The following ANK2 variants were observed in gnomAD, a reference collection of about 807,000 sequenced individuals.
ANK2 encodes ankyrin-2.
In ANK2, 83 loss-of-function variants were observed where a neutral mutation model predicts 360.5. The observed-to-expected ratio is 0.23, with a 90% CI of 0.19 to 0.28. ANK2 has a LOEUF of 0.28. ANK2 is among the 10% of genes least tolerant of loss of function. ANK2 has a pLI of 1.00. For missense variants in ANK2, 4,201 were observed against 4,795.7 expected, an observed-to-expected ratio of 0.88 and a Z score of 3.66; for synonymous variants, 1,740 against 1,759.5, an observed-to-expected ratio of 0.99 and a Z score of 0.28.
At chr4:113,265,727 T>C (rs1157816778) in intron 14 of ANK2, among the ~76,000 whole-genome samples, 1 of 152,236 alleles carries the variant, frequency 6.6e-6, no homozygotes, top group Non-Finnish European at 1.5e-5. Context: ...CAATATACTG[T>C]ACCTTCTATT....
chr4:113,070,943 C>T (rs1204796089), intron 1 of ANK2, among the ~76,000 whole-genome samples: 1 of 151,526 alleles, frequency 6.6e-6, no homozygotes, highest in Non-Finnish European at 1.5e-5. Context: ...TCCATCATAA[C>T]ATCAAATCTT....
At chr4:112,863,757 C>T (rs781574531) in intron 1 of ANK2, among the ~76,000 whole-genome samples, 1 of 151,908 alleles carries the variant, frequency 6.6e-6, no homozygotes, top group Non-Finnish European at 1.5e-5. Flanking sequence ...CTCCTGACCT[C>T]GTGATCCTCC....
At chr4:113,119,264 C>T (rs577180255) in intron 1 of ANK2, among the ~76,000 whole-genome samples, 21 of 151,974 alleles carry the variant, frequency 1.4e-4, no homozygotes, top group African/African-American at 4.4e-4. Flanking sequence ...TCATGTGCAC[C>T]TATTGCTCCT....
intron 9 of ANK2, among the ~76,000 whole-genome samples, chr4:113,243,948 A>G (rs1156625257): frequency 1.3e-5 from 2 of 152,218 alleles, no homozygotes; most frequent in African/African-American, 2.4e-5. Context: ...TTATTAAGAT[A>G]GTTGACTTTG....
chr4:113,075,412 G>T (rs1404821927), intron 1 of ANK2, among the ~76,000 whole-genome samples: 1 of 152,108 alleles, frequency 6.6e-6, no homozygotes, highest in Non-Finnish European at 1.5e-5. Context: ...TGTCTAAAAA[G>T]ATAACATCTT....
intron 1 of ANK2, among the ~76,000 whole-genome samples, chr4:112,836,963 T>C (rs2061119041): frequency 6.6e-6 from 1 of 152,240 alleles, no homozygotes; most frequent in African/African-American, 2.4e-5. Flanking sequence ...TCAAGCCAGA[T>C]GCATAAATTT....
At chr4:113,265,819 A>G (rs1311681049) in intron 14 of ANK2, among the ~76,000 whole-genome samples, 2 of 152,110 alleles carry the variant, frequency 1.3e-5, no homozygotes, top group Non-Finnish European at 2.9e-5. Context: ...CTTCTTCAAT[A>G]TTTGATATAC....
At chr4:112,894,469 G>A (rs368708105) in intron 1 of ANK2, among the ~76,000 whole-genome samples, 1 of 152,092 alleles carries the variant, frequency 6.6e-6, no homozygotes, top group Non-Finnish European at 1.5e-5. Flanking sequence ...AATTATGAAA[G>A]TACAAATGAA....
upstream of ANK2, among the ~76,000 whole-genome samples, chr4:112,814,888 T>C (rs2055527928): frequency 6.6e-6 from 1 of 152,148 alleles, no homozygotes; most frequent in Non-Finnish European, 1.5e-5. Context: ...TTATAAGAAA[T>C]AGTGGCAAAA....
chr4:113,178,352 C>T (rs1391880169), intron 2 of ANK2, among the ~76,000 whole-genome samples: 1 of 151,990 alleles, frequency 6.6e-6, no homozygotes, highest in East Asian at 1.9e-4. Flanking sequence ...GGTGGATTGC[C>T]TGAGATCAGG....
intron 2 of ANK2, among the ~76,000 whole-genome samples, chr4:112,945,070 G>T (rs1236914763): frequency 6.6e-6 from 1 of 152,246 alleles, no homozygotes; most frequent in Non-Finnish European, 1.5e-5. Flanking sequence ...TCACAAAGGT[G>T]TATCTTTTCC....
chr4:112,997,029 T>C (rs1223012210), intron 2 of ANK2, among the ~76,000 whole-genome samples: 1 of 152,106 alleles, frequency 6.6e-6, no homozygotes, highest in Non-Finnish European at 1.5e-5. Flanking sequence ...CAGTTAAGAT[T>C]ATGACAAAGT....
At chr4:113,209,353 G>A (rs1318727330) in intron 4 of ANK2, among the ~76,000 whole-genome samples, 2 of 151,762 alleles carry the variant, frequency 1.3e-5, no homozygotes, top group East Asian at 1.9e-4. Context: ...GACAAGGGAG[G>A]GCCCACAGAG....
At chr4:113,264,820 A>T in intron 13 of ANK2, 77 bp from the exon 14 acceptor site, 2 of 1,454,050 alleles carry the variant, frequency 1.4e-6, no homozygotes, top group Non-Finnish European at 1.9e-6. Flanking sequence ...TGAATTTCAC[A>T]AAAAGGGACA....
intron 14 of ANK2, 101 bp downstream of exon 14, chr4:113,265,096 G>A: frequency 9.2e-7 from 1 of 1,089,184 alleles, no homozygotes; most frequent in Non-Finnish European, 1.4e-6. Flanking sequence ...AAATACCAGG[G>A]ACTGTAAGTG....
chr4:112,819,410 C>G (rs28736434), intron 1 of ANK2, among the ~76,000 whole-genome samples: 14,865 of 152,210 alleles, frequency 0.098, 1,056 homozygotes, highest in African/African-American at 0.2. Context: ...CTGCACAAAC[C>G]AGAGACTTTG....
At chr4:112,963,716 A>G (rs2035916675) in intron 2 of ANK2, among the ~76,000 whole-genome samples, 1 of 152,168 alleles carries the variant, frequency 6.6e-6, no homozygotes, top group African/African-American at 2.4e-5. Flanking sequence ...TATAGGTTAT[A>G]ATAATATTGA....
At chr4:113,011,403 CA>C (rs2054676058) in intron 2 of ANK2, among the ~76,000 whole-genome samples, 1 of 152,022 alleles carries the variant, frequency 6.6e-6, no homozygotes, top group Non-Finnish European at 1.5e-5. Context: ...GAAAAGCATA[CA>C]AATTTATTTA....
rs1007976073 is a variant in ANK2 at position 113,351,527 on chromosome 4, C to T, written c.4426+1278C>T. 5.9e-5 allele frequency among the ~76,000 whole-genome samples: 9 copies of T among 152,148 alleles called. No homozygotes were observed. The South Asian group carries it at 1.0e-3, about 18-fold the overall frequency. On this transcript the variant is annotated intron_variant, in intron 37 of 45. Coordinates refer to ENST00000357077, the MANE Select transcript of ANK2 (RefSeq NM_001148.6). ...TCTTCTCAACAAATACAGATTCTCCCAAGAGAAGGCACTTTTGTTTATATG... is the reference window on the plus strand; with the variant it reads ...TCTTCTCAACAAATACAGATTCTCCTAAGAGAAGGCACTTTTGTTTATATG...
Sources: gnomAD v4.1 joint callset for allele counts (sites outside exome capture counted in the v4.1 genomes callset) on GRCh38, gnomAD v4.1.1 for gene constraint, MANE v1.5 for transcripts, NCBI Gene and HGNC (gene_info 2026-07-23, HGNC 2026-07-21) for gene names.